Variants in CPT1A observed in about 807,000 individuals in gnomAD.
CPT1A encodes the protein carnitine O-palmitoyltransferase 1, liver isoform.
In CPT1A, 64 loss-of-function variants were observed where a neutral mutation model predicts 100.8. The ratio of observed to expected loss-of-function variants is 0.63; its 90% CI spans 0.52 to 0.78. The LOEUF is 0.78. Among genes scored for constraint, CPT1A ranks in the 30% least tolerant of loss-of-function variants. The pLI is 0.00. For missense variants in CPT1A, 802 were observed against 1,034.1 expected (o/e 0.78, Z 3.08); for synonymous variants, 363 against 396.0 (o/e 0.92, Z 0.99).
chr11:68,768,168 C>T (rs924786804), intron 14 of CPT1A, among the ~76,000 whole-genome samples: 3 of 149,238 alleles, frequency 2.0e-5, no homozygotes, highest in East Asian at 2.0e-4. Context: ...CTCCGCCTCC[C>T]GGGTTCACGC....
At chr11:68,784,774 C>T (rs1222823845) in intron 10 of CPT1A, 41 bp downstream of exon 10, 1 of 1,588,574 alleles carries the variant, frequency 6.3e-7, no homozygotes. Context: ...AGAGCGCCTC[C>T]ACCACCCCCC....
At chr11:68,794,976 G>T in intron 7 of CPT1A, 65 bp from the exon 8 acceptor site, 1 of 1,145,888 alleles carries the variant, frequency 8.7e-7, no homozygotes, top group Non-Finnish European at 1.3e-6. Context: ...AATAATCACA[G>T]CACATCCTGC....
chr11:68,839,909 T>C (rs1318529933), intron 1 of CPT1A, among the ~76,000 whole-genome samples: 1 of 152,172 alleles, frequency 6.6e-6, no homozygotes, highest in African/African-American at 2.4e-5. Context: ...AGGCGGCTTG[T>C]TTTTAGTACC....
intron 10 of CPT1A, among the ~76,000 whole-genome samples, chr11:68,782,965 C>T (rs780447053): frequency 1.3e-5 from 2 of 152,208 alleles, no homozygotes; most frequent in Admixed American, 6.5e-5. Context: ...CCAGGCCCCG[C>T]GGCGCCGGCT....
chr11:68,759,745 T>C lies in CPT1A; in HGVS notation c.2143-84A>G. 2.9e-6 allele frequency: 3 copies of C among 1,031,620 alleles called. No individual in the cohort carries two copies. The South Asian group carries it at 3.9e-5, about 13-fold the overall frequency. The allele number at this position is 1,031,620 out of a possible 1,614,324, so 63.9% of individuals were successfully genotyped here. On this transcript the variant is annotated intron_variant, in intron 17 of 18. Coordinates refer to ENST00000265641, the MANE Select transcript of CPT1A (RefSeq NM_001876.4). ...CTTTCTAATGTTCTAAATGCAACAC[T>C]GGCGGGGCTCGGTGGCTTCTCCTTG...
chr11:68,787,948 A>AG (rs1395322316), intron 9 of CPT1A, among the ~76,000 whole-genome samples: 2 of 151,590 alleles, frequency 1.3e-5, no homozygotes, highest in Non-Finnish European at 2.9e-5. Context: ...GTCTCAAAAA[A>AG]AAAAAAAAAA....
intron 3 of CPT1A, among the ~76,000 whole-genome samples, chr11:68,810,613 G>T (rs1430794434): frequency 6.6e-6 from 1 of 152,142 alleles, no homozygotes; most frequent in African/African-American, 2.4e-5. Context: ...GCAAAAAGAG[G>T]TTCAGGAATC....
chr11:68,831,513 T>G (rs1228501227), intron 1 of CPT1A, among the ~76,000 whole-genome samples: 1 of 152,200 alleles, frequency 6.6e-6, no homozygotes, highest in Non-Finnish European at 1.5e-5. Context: ...GGGGCAGAAG[T>G]CTTTCAACAC....
rs11372679 is a variant in CPT1A, at chr11:68,831,637, C to CTTTTT, written c.-14+10133_-14+10137dup. ...TTAATAATGAAGTTACAGCACATTCCTTTTTTTTTTTTTTGAGACGAAGTT... is the reference window on the plus strand; with the variant it reads ...TTAATAATGAAGTTACAGCACATTCCTTTTTTTTTTTTTTTTTTTGAGACGAAGTT... On this transcript the variant is annotated intron_variant, in intron 1 of 18. Transcript: ENST00000265641. 3.8e-3 allele frequency among the ~76,000 whole-genome samples: 550 copies of CTTTTT among 142,906 alleles called. 4 individuals are homozygous for CTTTTT. Among genetic ancestry groups the CTTTTT allele is most frequent in the African/African-American group, 0.013 (498 of 38,454 alleles). The allele number at this position is 142,906 out of a possible 152,430, so 93.8% of individuals were successfully genotyped here. A position where few individuals can be genotyped will look rare whatever the true frequency, so the allele number is the denominator to read the frequency against.
chr11:68,757,775 AT>A, intron 18 of CPT1A, 45 bp from the exon 19 acceptor site: 1 of 1,520,388 alleles, frequency 6.6e-7, no homozygotes, highest in Non-Finnish European at 9.1e-7. Context: ...AAACGTGGCC[AT>A]CCCCACATTT....
intron 14 of CPT1A, among the ~76,000 whole-genome samples, chr11:68,765,651 CTAG>C (rs1198188313): frequency 6.6e-6 from 1 of 152,206 alleles, no homozygotes. Context: ...ATACCACTGT[CTAG>C]TGTCAGCATT....
chr11:68,759,682 A>C (rs750206748), intron 17 of CPT1A, 21 bp from the exon 18 acceptor site: 56 of 1,558,830 alleles, frequency 3.6e-5, no homozygotes, highest in Non-Finnish European at 4.8e-5. Context: ...AGGGAATTTG[A>C]ATTTGTTGCT....
rs976985449 is a variant in CPT1A at position 68,789,050 on chromosome 11, T to A, written c.968-4040A>T. ...CAGGAAAGAAAGAAAAGCGTTCACA[T>A]ACTGGAATTGTTTTGATACTATAAC... On this transcript the variant is annotated intron_variant, in intron 9 of 18. Coordinates refer to ENST00000265641, the MANE Select transcript of CPT1A (RefSeq NM_001876.4). Among the ~76,000 whole-genome samples the A allele has an allele frequency of 3.1e-4, 47 of 152,320 alleles. 1 individual carries two copies. Among genetic ancestry groups the A allele is most frequent in the Admixed American group, 2.7e-3 (41 of 15,284 alleles).
chr11:68,786,555 A>G (rs1182421656), intron 9 of CPT1A, among the ~76,000 whole-genome samples: 2 of 152,136 alleles, frequency 1.3e-5, no homozygotes, highest in Admixed American at 6.6e-5. Flanking sequence ...TTTGAGACGG[A>G]GTCTCGCTCT....
chr11:68,801,992 C>T (rs1419675044), intron 5 of CPT1A, among the ~76,000 whole-genome samples: 1 of 152,164 alleles, frequency 6.6e-6, no homozygotes, highest in Admixed American at 6.5e-5. Context: ...CATCCTACAA[C>T]ACGGGTGAAC....
chr11:68,780,288 G>GT (rs1388438498), intron 12 of CPT1A, among the ~76,000 whole-genome samples: 1 of 152,018 alleles, frequency 6.6e-6, no homozygotes, highest in Non-Finnish European at 1.5e-5. Context: ...TATCTTTTTT[G>GT]TTTTTTCTTT....
At chr11:68,770,486 C>T (rs1854957916) in intron 14 of CPT1A, among the ~76,000 whole-genome samples, 1 of 152,214 alleles carries the variant, frequency 6.6e-6, no homozygotes, top group Non-Finnish European at 1.5e-5. Context: ...GCCTCCCACA[C>T]TTTTACTTTG....
At chr11:68,762,519 A>T in intron 15 of CPT1A, 108 bp downstream of exon 15, 6 of 1,411,326 alleles carry the variant, frequency 4.3e-6, no homozygotes, top group Non-Finnish European at 5.9e-6. Flanking sequence ...ACCCCTAAAG[A>T]AGAAGGTACA....
intron 14 of CPT1A, among the ~76,000 whole-genome samples, chr11:68,768,821 T>C (rs978935571): frequency 6.6e-6 from 1 of 152,226 alleles, no homozygotes; most frequent in South Asian, 2.1e-4. Flanking sequence ...TGTTTCCAAC[T>C]GTGTGGTCTG....
Sources: gnomAD v4.1 joint callset for allele counts (sites outside exome capture counted in the v4.1 genomes callset) on GRCh38, gnomAD v4.1.1 for gene constraint, MANE v1.5 for transcripts, NCBI Gene and HGNC (gene_info 2026-07-23, HGNC 2026-07-21) for gene names.